SDK1: variants seen among roughly 807,000 people sequenced by gnomAD.
SDK1 encodes the protein protein sidekick-1.
SDK1 carries 157 observed loss-of-function variants against 245.5 expected under a neutral mutation model. The ratio of observed to expected loss-of-function variants is 0.64; its 90% CI spans 0.56 to 0.73. SDK1 has a LOEUF of 0.73. Among genes scored for constraint, SDK1 ranks in the 30% least tolerant of loss-of-function variants. The pLI is 0.00. For synonymous variants in SDK1, 1,647 were observed against 1,278.5 expected, an observed-to-expected ratio of 1.29 and a Z score of -6.15; for missense variants, 3,583 against 3,002.3, an observed-to-expected ratio of 1.19 and a Z score of -4.52.
intron 16 of SDK1, among the ~76,000 whole-genome samples, chr7:4,016,141 A>G (rs986513337): frequency 6.6e-5 from 10 of 152,214 alleles, no homozygotes; most frequent in Admixed American, 2.6e-4. Flanking sequence ...GTGGGACCAC[A>G]CAGGTAATGG....
At chr7:3,417,534 C>G (rs781141346) in intron 1 of SDK1, among the ~76,000 whole-genome samples, 2 of 152,124 alleles carry the variant, frequency 1.3e-5, no homozygotes, top group Non-Finnish European at 2.9e-5. Context: ...TCTCTGACCC[C>G]GTAGGCTAGG....
At chr7:3,667,847 G>A (rs940142929) in intron 4 of SDK1, among the ~76,000 whole-genome samples, 5 of 152,134 alleles carry the variant, frequency 3.3e-5, no homozygotes, top group Non-Finnish European at 7.4e-5. Flanking sequence ...CTATTCCCCA[G>A]TTGAAGGGCA....
At chr7:3,788,511 A>G (rs186501818) in intron 4 of SDK1, among the ~76,000 whole-genome samples, 401 of 152,288 alleles carry the variant, frequency 2.6e-3, no homozygotes, top group Middle Eastern at 6.8e-3. Flanking sequence ...CACATGTCCT[A>G]TTAGAATTCT....
At chr7:4,200,769 G>GC (rs1390381777) in intron 35 of SDK1, among the ~76,000 whole-genome samples, 1 of 152,340 alleles carries the variant, frequency 6.6e-6, no homozygotes, top group African/African-American at 2.4e-5. Flanking sequence ...TTAGAAGCAA[G>GC]CCATGTATTC....
At chr7:4,098,720 GTGGCA>G (rs1366014683) in intron 22 of SDK1, among the ~76,000 whole-genome samples, 2 of 151,602 alleles carry the variant, frequency 1.3e-5, no homozygotes, top group Admixed American at 1.3e-4. Context: ...CTGGAGTGCA[GTGGCA>G]CAATCTTGGC....
At chr7:3,338,463 G>GA in intron 1 of SDK1, 2 of 514,382 alleles carry the variant, frequency 3.9e-6, no homozygotes, top group South Asian at 1.6e-5. Context: ...AAAATGATCA[G>GA]AAAAAGAAGG....
intron 1 of SDK1, among the ~76,000 whole-genome samples, chr7:3,498,241 G>A (rs1046446148): frequency 2.4e-4 from 36 of 152,066 alleles, no homozygotes; most frequent in Non-Finnish European, 5.9e-5. Context: ...AACTAAAGAC[G>A]ACATGTGTAC....
intron 4 of SDK1, among the ~76,000 whole-genome samples, chr7:3,691,153 A>G (rs1784427959): frequency 6.6e-6 from 1 of 150,804 alleles, no homozygotes; most frequent in African/African-American, 2.4e-5. Flanking sequence ...ATTCCTTAGA[A>G]TCACCTTTCA....
At chr7:3,766,313 A>T (rs1780251712) in intron 4 of SDK1, among the ~76,000 whole-genome samples, 1 of 152,228 alleles carries the variant, frequency 6.6e-6, no homozygotes, top group Non-Finnish European at 1.5e-5. Flanking sequence ...TTATTCCAAG[A>T]AAATGATCCA....
At chr7:3,629,501 G>A (rs958450841) in intron 2 of SDK1, among the ~76,000 whole-genome samples, 1 of 152,068 alleles carries the variant, frequency 6.6e-6, no homozygotes, top group South Asian at 2.1e-4. Context: ...AGGACTCGGC[G>A]GAGTGTCTGT....
intron 1 of SDK1, among the ~76,000 whole-genome samples, chr7:3,502,338 C>G (rs1782243269): frequency 6.6e-6 from 1 of 152,110 alleles, no homozygotes; most frequent in Non-Finnish European, 1.5e-5. Context: ...CAACCTCTGC[C>G]TCCTGGGTTC....
At chr7:4,258,946 C>G (rs1787795622) in intron 44 of SDK1, among the ~76,000 whole-genome samples, 1 of 152,228 alleles carries the variant, frequency 6.6e-6, no homozygotes, top group African/African-American at 2.4e-5. Context: ...TATTTCAATA[C>G]ATGTGATTTT....
chr7:4,009,684 C>G (rs1281225978), intron 14 of SDK1, among the ~76,000 whole-genome samples: 1 of 152,240 alleles, frequency 6.6e-6, no homozygotes, highest in Admixed American at 6.5e-5. Context: ...AAGATCCCAT[C>G]TTCATCGCCA....
In SDK1 at chr7:4,200,198, C is replaced by A. The variant is rs184497258; in HGVS notation, c.5099-5681C>A. 3.7e-4 allele frequency among the ~76,000 whole-genome samples: 57 copies of A among 152,244 alleles called. 1 individual carries two copies. The East Asian group carries it at 9.8e-3, about 26-fold the overall frequency. Reference sequence around the variant, plus strand: ...TGGGTGTGTGTAAAGACATGTGGACCCTGACAATGGATTATCACCTGTACA... The same window carrying A: ...TGGGTGTGTGTAAAGACATGTGGACACTGACAATGGATTATCACCTGTACA... On this transcript the variant is annotated intron_variant, in intron 35 of 44. Transcript: ENST00000404826.
chr7:4,002,623 C>T (rs1424497234), intron 14 of SDK1, among the ~76,000 whole-genome samples: 2 of 152,136 alleles, frequency 1.3e-5, no homozygotes, highest in African/African-American at 4.8e-5. Context: ...TTTAAGTGAA[C>T]TTCTATCATT....
At chr7:3,614,317 GTCTTCT>G (rs1354810669) in intron 1 of SDK1, among the ~76,000 whole-genome samples, 1 of 152,104 alleles carries the variant, frequency 6.6e-6, no homozygotes, top group Non-Finnish European at 1.5e-5. Flanking sequence ...TTATTCTAGG[GTCTTCT>G]AATGTTCGTT....
rs1048544779 is a variant in SDK1 at position 3,395,285 on chromosome 7, T to C, written c.298+93401T>C. ...ATGATGCATTACTTTAATTGATTTT[T>C]AGCTGTTAAAACCTCACATTTCTGG... is the stretch of plus-strand genomic sequence containing the variant. On this transcript the variant is annotated intron_variant, in intron 1 of 44. Coordinates refer to ENST00000404826, the MANE Select transcript of SDK1 (RefSeq NM_152744.4). Among the ~76,000 whole-genome samples the C allele has an allele frequency of 2.0e-5, 3 of 152,006 alleles. No homozygotes were observed. In the East Asian group the frequency reaches 5.8e-4, roughly 29 times the overall value.
intron 1 of SDK1, among the ~76,000 whole-genome samples, chr7:3,610,877 C>G (rs936478406): frequency 2.6e-5 from 4 of 152,178 alleles, no homozygotes; most frequent in Non-Finnish European, 4.4e-5. Flanking sequence ...TGGACTGACT[C>G]AAATATGGAG....
chr7:4,025,180 C>T (rs1052358866), intron 17 of SDK1, among the ~76,000 whole-genome samples: 7 of 152,204 alleles, frequency 4.6e-5, no homozygotes, highest in Non-Finnish European at 1.0e-4. Context: ...TCCCTATCCA[C>T]GAGTGTATTT....
Sources: gnomAD v4.1 joint callset for allele counts (sites outside exome capture counted in the v4.1 genomes callset) on GRCh38, gnomAD v4.1.1 for gene constraint, MANE v1.5 for transcripts, NCBI Gene and HGNC (gene_info 2026-07-23, HGNC 2026-07-21) for gene names.